The following USHBP1 variants were observed in gnomAD, a reference collection of about 807,000 sequenced individuals.
The protein encoded by USHBP1 is USH1 protein network component harmonin binding protein 1, also known as harmonin-binding protein USHBP1.
A neutral mutation model predicts 76.2 loss-of-function variants in USHBP1; 67 were observed. The ratio of observed to expected loss-of-function variants is 0.88; its 90% CI spans 0.72 to 1.08. The LOEUF is 1.08. Ranked by LOEUF, USHBP1 falls within the 50% of genes least tolerant of loss-of-function variation. The pLI is 0.00. For missense variants in USHBP1, 931 were observed against 915.0 expected, an observed-to-expected ratio of 1.02 and a Z score of -0.23; for synonymous variants, 322 against 362.2, an observed-to-expected ratio of 0.89 and a Z score of 1.26.
intron 10 of USHBP1, 39 bp downstream of exon 10, chr19:17,255,346 T>C: frequency 6.3e-7 from 1 of 1,583,804 alleles, no homozygotes; most frequent in Non-Finnish European, 8.6e-7. Flanking sequence ...TTCTCATTAG[T>C]AAGCTACTCC....
In USHBP1 at chr19:17,258,577, T is replaced by C. The variant is rs2073649702; in HGVS notation, c.1047-192A>G. The C allele has an allele frequency of 5.5e-6, 3 of 549,124 alleles. No homozygotes were observed. The Admixed American group carries it at 9.8e-5, about 18-fold the overall frequency. The allele number at this position is 549,124 out of a possible 1,614,324, so 34.0% of individuals were successfully genotyped here. On this transcript the variant is annotated intron_variant, in intron 7 of 12. Transcript: ENST00000252597. ...GACAAAGATTAGCAAGGTGTGGTGG[T>C]ACGCACCTGTAGTTCCAGCTACTCA...
chr19:17,255,337 T>A, intron 10 of USHBP1, 48 bp downstream of exon 10: 1 of 1,572,520 alleles, frequency 6.4e-7, no homozygotes, highest in Non-Finnish European at 8.7e-7. Context: ...AGGGCTATGT[T>A]CTCATTAGTA....
Position 17,250,087 on chromosome 19 carries a change from C to A in USHBP1, c.*138G>T. On this transcript the variant is annotated 3_prime_UTR_variant, in exon 13 of 13. Coordinates refer to ENST00000252597, the MANE Select transcript of USHBP1 (RefSeq NM_031941.4). ...TGGCCACACCCCATCAGGCCCTGGA[C>A]ACCCATGTGCACCAGCTTCCCTCAC... 4.2e-6 allele frequency: 4 copies of A among 954,908 alleles called. No homozygotes were observed. In the South Asian group the frequency reaches 6.8e-5, roughly 16 times the overall value. The allele number at this position is 954,908 out of a possible 1,614,324, so 59.2% of individuals were successfully genotyped here.
chr19:17,259,464 G>A (rs1221536802), intron 6 of USHBP1, 35 bp from the exon 7 acceptor site: 8 of 1,611,498 alleles, frequency 5.0e-6, no homozygotes, highest in Non-Finnish European at 6.8e-6. Context: ...GAAAGTCAGA[G>A]GCCTTCTAAG....
intron 10 of USHBP1, among the ~76,000 whole-genome samples, chr19:17,252,898 C>A (rs1035179785): frequency 2.0e-5 from 3 of 151,270 alleles, no homozygotes; most frequent in African/African-American, 7.3e-5. Context: ...AAAAAAAAAA[C>A]AACAAAAAAA....
intron 8 of USHBP1, 104 bp from the exon 9 acceptor site, chr19:17,256,824 C>A (rs1298096978): frequency 2.0e-6 from 3 of 1,500,142 alleles, no homozygotes; most frequent in African/African-American, 2.8e-5. Context: ...TCACTGGCCA[C>A]GATGGAATCT....
intron 3 of USHBP1, 90 bp downstream of exon 3, chr19:17,263,912 T>C (rs1416712051): frequency 4.2e-6 from 6 of 1,412,618 alleles, no homozygotes; most frequent in Non-Finnish European, 5.6e-6. Context: ...CTATGGTAGG[T>C]GTGTGAGCAG....
chr19:17,250,422 G>A lies in USHBP1; in HGVS notation c.1923-8C>T, dbSNP rs201019706. 144 of 1,609,522 alleles carry A rather than the reference G, an allele frequency of 8.9e-5. No homozygotes were observed. The highest frequency in any genetic ancestry group is 1.2e-4 in the Non-Finnish European group (140 of 1,179,328). ...AAGGCCAGGACCAGGGCGCTGGAAGGGGTGGGTGGCTGGGTCAGGAAACAG... is the reference window on the plus strand; with the variant it reads ...AAGGCCAGGACCAGGGCGCTGGAAGAGGTGGGTGGCTGGGTCAGGAAACAG... On this transcript the variant is annotated splice_polypyrimidine_tract_variant and splice_region_variant and intron_variant, in intron 12 of 12. Transcript: ENST00000252597.
At position 17,263,607 on chromosome 19, in the gene USHBP1, G is replaced by A. The variant is rs550701363; in HGVS notation, c.203+395C>T. 3.6e-4 allele frequency: 60 copies of A among 168,642 alleles called. 1 individual carries two copies. Among genetic ancestry groups the A allele is most frequent in the Non-Finnish European group, 7.0e-4 (55 of 78,920 alleles). 10.4% of individuals were successfully genotyped at this position (168,642 alleles called of 1,614,324 possible). On this transcript the variant is annotated intron_variant, in intron 3 of 12. Transcript: ENST00000252597. ...TTCTGGAAATAGGGTCTTCTGGGGCGGCGGCTTACACTTGTAATCCCAGCA... is the reference window on the plus strand; with the variant it reads ...TTCTGGAAATAGGGTCTTCTGGGGCAGCGGCTTACACTTGTAATCCCAGCA...
rs375725799 is a variant in USHBP1 at position 17,262,721 on chromosome 19, C to T, written c.473G>A (p.Gly158Asp). 2 of 1,614,234 alleles carry T rather than the reference C, an allele frequency of 1.2e-6. No homozygotes were observed. Among genetic ancestry groups the T allele is most frequent in the Non-Finnish European group, 8.5e-7 (1 of 1,180,032 alleles). The change falls in exon 4 of 13, where the codon GGT becomes GAT. Residue 158 changes from glycine to aspartate, a missense_variant. Physicochemically the swap from Gly to Asp is moderately conservative, Grantham distance 94. Coordinates refer to ENST00000252597, the MANE Select transcript of USHBP1 (RefSeq NM_031941.4). ...TGCCCCTTCCTGCTTCCCAAGGGAA[C>T]CTGCTCCCCCTTCGCTTGTGCCTTC... is the stretch of plus-strand genomic sequence containing the variant. ...EFEGTSEGGAGSLGKQEGAGS... is the reference protein window; with the variant it reads ...EFEGTSEGGADSLGKQEGAGS...
chr19:17,258,818 C>A, intron 7 of USHBP1: 1 of 254,892 alleles, frequency 3.9e-6, no homozygotes, highest in South Asian at 3.9e-5. Flanking sequence ...TCCCCACTGC[C>A]CTCAGCTCTG....
At chr19:17,255,643 C>T (rs1463001694) in intron 9 of USHBP1, 37 bp from the exon 10 acceptor site, 1 of 1,547,060 alleles carries the variant, frequency 6.5e-7, no homozygotes, top group East Asian at 2.4e-5. Context: ...ATTTATGCTT[C>T]TACGGTCAAC....
At position 17,264,107 on chromosome 19, in the gene USHBP1, G is replaced by T. The variant is rs1555714835; in HGVS notation, c.98C>A (p.Ala33Glu). 1.9e-6 allele frequency: 3 copies of T among 1,614,106 alleles called. No homozygotes were observed. Among genetic ancestry groups the T allele is most frequent in the Non-Finnish European group, 2.5e-6 (3 of 1,179,980 alleles). The change falls in exon 3 of 13, where the codon GCA becomes GAA. Residue 33 changes from alanine (A) to glutamate (E), a missense_variant. Coordinates refer to ENST00000252597, the MANE Select transcript of USHBP1 (RefSeq NM_031941.4). ...GCTGGGCTTGGAGCTCCCACTGGCT[G>T]CCTCGACCTCCTCTGAACTCTCAGC... is the stretch of plus-strand genomic sequence containing the variant. ...PVAESSEEVE[A>E]ASGSSKPSFA...
intron 7 of USHBP1, among the ~76,000 whole-genome samples, 187 bp downstream of exon 7, chr19:17,259,102 T>G (rs575794780): frequency 6.6e-6 from 1 of 151,920 alleles, no homozygotes; most frequent in East Asian, 1.9e-4. Context: ...GAGGCAGAGG[T>G]TGCAGTGAGC....
rs975064251 is a variant in USHBP1 at position 17,264,023 on chromosome 19, C to T, written c.182G>A (p.Ser61Asn). The T allele has an allele frequency of 6.2e-6, 10 of 1,603,416 alleles. No individual in the cohort carries two copies. The African/African-American group carries it at 1.3e-4, about 21-fold the overall frequency. Reference sequence around the variant, plus strand: ...TTACCTGCTTCCTAGGCCTTGGCCACTGACCTCCTCCATGGGGCCCAGCTG... The same window carrying T: ...TTACCTGCTTCCTAGGCCTTGGCCATTGACCTCCTCCATGGGGCCCAGCTG... ...LEQLGPMEEV[S>N]GQGLGSRTDK... The change falls in exon 3 of 13, where the codon AGT (serine) becomes AAT (asparagine). Residue 61 changes from serine (S) to asparagine (N), a missense_variant. By Grantham distance (46) the Ser-to-Asn change is conservative. Transcript: ENST00000252597.
intron 8 of USHBP1, 59 bp downstream of exon 8, chr19:17,258,153 T>TCC: frequency 2.5e-6 from 4 of 1,603,164 alleles, no homozygotes; most frequent in Non-Finnish European, 3.4e-6. Context: ...GGGAGCCCCA[T>TCC]CCCCCAGTCA....
At chr19:17,263,525 G>A (rs1410453026) in intron 3 of USHBP1, 3 of 158,802 alleles carry the variant, frequency 1.9e-5, no homozygotes, top group South Asian at 3.8e-4. Flanking sequence ...CTGAGAAACA[G>A]AGTGAAGTTG....
intron 7 of USHBP1, 73 bp from the exon 8 acceptor site, chr19:17,258,458 C>T: frequency 6.5e-7 from 1 of 1,536,042 alleles, no homozygotes; most frequent in Non-Finnish European, 8.8e-7. Flanking sequence ...CCTGTAGTCC[C>T]AGCACTTTGG....
intron 7 of USHBP1, chr19:17,258,799 C>T (rs552862672): frequency 1.1e-5 from 3 of 267,220 alleles, no homozygotes; most frequent in African/African-American, 4.6e-5. Context: ...TGCTCCTGAA[C>T]CCCTCTTCTC....
Sources: allele counts gnomAD v4.1 joint callset (sites outside exome capture counted in the v4.1 genomes callset), GRCh38; gene constraint gnomAD v4.1.1; transcripts MANE v1.5; gene names NCBI Gene and HGNC (gene_info 2026-07-23, HGNC 2026-07-21).